Variants in FAXC observed in about 807,000 individuals in gnomAD.
FAXC encodes the protein failed axon connections homolog.
A neutral mutation model predicts 41.9 loss-of-function variants in FAXC; 10 were observed. That is an observed-to-expected ratio of 0.24 (90% confidence interval 0.15 to 0.41). The LOEUF (loss-of-function observed/expected upper bound fraction) is 0.41. FAXC is among the 10% of genes least tolerant of loss of function. The pLI, the probability that FAXC is intolerant of heterozygous loss-of-function variation, is 1.00. For missense variants in FAXC, 399 were observed against 510.9 expected (o/e 0.78, Z 2.11); for synonymous variants, 183 against 183.8 (o/e 1.00, Z 0.03).
intron 4 of FAXC, among the ~76,000 whole-genome samples, chr6:99,314,876 T>C (rs1303504663): frequency 1.3e-5 from 2 of 152,068 alleles, no homozygotes; most frequent in Non-Finnish European, 2.9e-5. Flanking sequence ...TGTCCCACCC[T>C]TGTTGCCCAC....
chr6:99,334,339 T>A (rs975250906), intron 2 of FAXC, among the ~76,000 whole-genome samples: 9 of 152,232 alleles, frequency 5.9e-5, no homozygotes, highest in African/African-American at 2.2e-4. Flanking sequence ...GTTAGTCATA[T>A]TGCCTTTGTG....
intron 5 of FAXC, chr6:99,284,291 T>C (rs754724829): frequency 2.6e-5 from 4 of 152,186 alleles, no homozygotes; most frequent in Non-Finnish European, 2.9e-5. Context: ...TTAATGGCAA[T>C]GAGCTATCAT....
intron 1 of FAXC, among the ~76,000 whole-genome samples, chr6:99,347,630 T>C (rs1360559459): frequency 1.3e-5 from 2 of 152,144 alleles, no homozygotes; most frequent in African/African-American, 4.8e-5. Context: ...TAAGCTTTGT[T>C]TTAAACTTGG....
rs1244273882 is a variant in FAXC, at chr6:99,274,486, T to C, written c.*6678A>G. On this transcript the variant is annotated 3_prime_UTR_variant, in exon 6 of 6. Coordinates refer to ENST00000389677, the MANE Select transcript of FAXC (RefSeq NM_032511.4). ...TCAGTTAAATTCTAATACCACCAAA[T>C]GAGGGACTCAGACCCTCAGTTTTCC... 6.6e-6 allele frequency: 1 copy of C among 152,182 alleles called. No individual in the cohort carries two copies. The highest frequency in any genetic ancestry group is 2.4e-5 in the African/African-American group (1 of 41,448). 9.4% of individuals were successfully genotyped at this position (152,182 alleles called of 1,614,324 possible).
intron 4 of FAXC, among the ~76,000 whole-genome samples, chr6:99,311,745 A>T (rs751469017): frequency 5.9e-5 from 9 of 152,116 alleles, no homozygotes; most frequent in Non-Finnish European, 1.0e-4. Flanking sequence ...CTCAGGCCAC[A>T]CCACAAGTCC....
At chr6:99,291,654 C>T (rs772727064) in intron 5 of FAXC, 50 bp downstream of exon 5, 1 of 1,352,920 alleles carries the variant, frequency 7.4e-7, no homozygotes, top group South Asian at 1.2e-5. Flanking sequence ...ACCCCACTGC[C>T]CACCCAGCCC....
intron 4 of FAXC, among the ~76,000 whole-genome samples, chr6:99,315,374 A>C (rs1772314765): frequency 1.3e-5 from 2 of 151,314 alleles, no homozygotes; most frequent in Non-Finnish European, 2.9e-5. Context: ...TGCACTTTAC[A>C]GTGGCACCCC....
chr6:99,335,112 T>C (rs1773170487), intron 2 of FAXC, among the ~76,000 whole-genome samples: 1 of 152,236 alleles, frequency 6.6e-6, no homozygotes, highest in South Asian at 2.1e-4. Context: ...GCTTCCACTG[T>C]ATGGTGTGTA....
At chr6:99,319,946 T>C (rs1772531590) in intron 4 of FAXC, among the ~76,000 whole-genome samples, 1 of 152,244 alleles carries the variant, frequency 6.6e-6, no homozygotes, top group Admixed American at 6.5e-5. Context: ...CATAATCTCC[T>C]AATTTCTATA....
Position 99,346,690 on chromosome 6 carries a change from G to A in FAXC, c.266+2417C>T, listed in dbSNP as rs76763599. ...GCTGGGATTACAGGCGTAAGCTGCC[G>A]CGCGCCGGGCCAAAGTAGGTACTTT... is the stretch of plus-strand genomic sequence containing the variant. On this transcript the variant is annotated intron_variant, in intron 1 of 5. Coordinates refer to ENST00000389677, the MANE Select transcript of FAXC (RefSeq NM_032511.4). 8.5e-3 allele frequency among the ~76,000 whole-genome samples: 1,292 copies of A among 152,096 alleles called. 23 individuals carry two copies. The highest frequency in any genetic ancestry group is 0.029 in the African/African-American group (1,206 of 41,490).
intron 4 of FAXC, among the ~76,000 whole-genome samples, chr6:99,301,466 C>G (rs568505631): frequency 6.6e-6 from 1 of 152,256 alleles, no homozygotes; most frequent in Admixed American, 6.5e-5. Context: ...CTACTATGTA[C>G]CCACAAAAAT....
At chr6:99,288,023 T>C (rs938088237) in intron 5 of FAXC, among the ~76,000 whole-genome samples, 9 of 152,186 alleles carry the variant, frequency 5.9e-5, no homozygotes, top group African/African-American at 1.9e-4. Context: ...TGGTGTCAGA[T>C]TCCCCAGATG....
rs1770696249 is a variant in FAXC at position 99,278,130 on chromosome 6, C to G, written c.*3034G>C. On this transcript the variant is annotated 3_prime_UTR_variant, in exon 6 of 6. Transcript: ENST00000389677. Reference sequence around the variant, plus strand: ...TCCGTGATTAGTCTCCTGGGTAGCCCACAGCCTTGGTAGTGTCACTTTCTA... The same window carrying G: ...TCCGTGATTAGTCTCCTGGGTAGCCGACAGCCTTGGTAGTGTCACTTTCTA... The G allele has an allele frequency of 6.6e-6, 1 of 152,306 alleles. No homozygotes were observed. The highest frequency in any genetic ancestry group is 6.5e-5 in the Admixed American group (1 of 15,294). 9.4% of individuals were successfully genotyped at this position (152,306 alleles called of 1,614,324 possible). A position where few individuals can be genotyped will look rare whatever the true frequency, so the allele number is the denominator to read the frequency against.
Position 99,340,513 on chromosome 6 carries a change from G to GTTAT in FAXC, c.402+2384_402+2385insATAA, listed in dbSNP as rs572493386. On this transcript the variant is annotated intron_variant, in intron 2 of 5. Transcript: ENST00000389677. ...AGCCACTGAAGGTTTGCCACATAAA[G>GTTAT]ACTCACTCTAAAGATATTCATCAGG... Among the ~76,000 whole-genome samples the GTTAT allele has an allele frequency of 1.2e-3, 170 of 140,612 alleles. 3 individuals are homozygous for GTTAT. Among genetic ancestry groups the GTTAT allele is most frequent in the Admixed American group, 0.011 (161 of 14,472 alleles). 92.2% of individuals were successfully genotyped at this position (140,612 alleles called of 152,430 possible).
intron 1 of FAXC, among the ~76,000 whole-genome samples, chr6:99,346,456 G>A (rs1009688761): frequency 7.9e-5 from 12 of 152,078 alleles, no homozygotes; most frequent in South Asian, 2.1e-4. Flanking sequence ...GCACCATCTC[G>A]GCTCACTGCA....
At chr6:99,306,060 G>C (rs925071902) in intron 4 of FAXC, among the ~76,000 whole-genome samples, 1 of 152,100 alleles carries the variant, frequency 6.6e-6, no homozygotes, top group South Asian at 2.1e-4. Context: ...CTACATTAGA[G>C]TGGGTGGTCA....
rs1454929214 is a variant in FAXC, at chr6:99,276,091, A to AG, written c.*5072dup. ...TTGACTTAAATAGCACTGCATATAA[A>AG]GGAGAACAAAGGATCCTGGGTCATA... On this transcript the variant is annotated 3_prime_UTR_variant, in exon 6 of 6. Transcript: ENST00000389677. 1.3e-5 allele frequency: 2 copies of AG among 152,102 alleles called. No homozygotes were observed. The highest frequency in any genetic ancestry group is 2.9e-5 in the Non-Finnish European group (2 of 68,010). 9.4% of individuals were successfully genotyped at this position (152,102 alleles called of 1,614,324 possible). A position where few individuals can be genotyped will look rare whatever the true frequency, so the allele number is the denominator to read the frequency against.
chr6:99,310,948 C>T (rs191979899), intron 4 of FAXC, among the ~76,000 whole-genome samples: 1 of 152,270 alleles, frequency 6.6e-6, no homozygotes, highest in East Asian at 1.9e-4. Context: ...TCTAATTAAA[C>T]AGAGTAGGAA....
At chr6:99,305,826 G>A (rs1259665868) in intron 4 of FAXC, among the ~76,000 whole-genome samples, 1 of 151,870 alleles carries the variant, frequency 6.6e-6, no homozygotes, top group African/African-American at 2.4e-5. Flanking sequence ...ATAAATGTCA[G>A]TTCTTATCAA....
Sources: gnomAD v4.1 joint callset for allele counts (sites outside exome capture counted in the v4.1 genomes callset) on GRCh38, gnomAD v4.1.1 for gene constraint, MANE v1.5 for transcripts, NCBI Gene and HGNC (gene_info 2026-07-23, HGNC 2026-07-21) for gene names.